LIN52: variants seen among roughly 807,000 people sequenced by gnomAD.
The protein encoded by LIN52 is lin-52 DREAM MuvB core complex component, also known as protein lin-52 homolog.
In LIN52, 4 loss-of-function variants were observed where a neutral mutation model predicts 18.5. The observed-to-expected ratio is 0.22, with a 90% CI of 0.11 to 0.49. The LOEUF (loss-of-function observed/expected upper bound fraction) is 0.49. LIN52 is among the 20% of genes least tolerant of loss of function. The probability of loss-of-function intolerance (pLI) is 0.97; values close to 1 mark genes in which losing one functional copy is unlikely to be tolerated. For missense variants in LIN52, 102 were observed against 139.5 expected (o/e 0.73, Z 1.35); for synonymous variants, 34 against 45.5 (o/e 0.75, Z 1.02).
intron 5 of LIN52, among the ~76,000 whole-genome samples, chr14:74,133,739 A>G (rs1029059146): frequency 6.6e-6 from 1 of 152,228 alleles, no homozygotes; most frequent in South Asian, 2.1e-4. Context: ...TCTCATTTTA[A>G]TGCTCAATCC....
At chr14:74,149,830 CAG>C (rs2061168799) in intron 5 of LIN52, among the ~76,000 whole-genome samples, 1 of 152,120 alleles carries the variant, frequency 6.6e-6, no homozygotes, top group Non-Finnish European at 1.5e-5. Context: ...ACATGGGATA[CAG>C]ACTCTTCTGT....
intron 5 of LIN52, among the ~76,000 whole-genome samples, chr14:74,180,262 A>ATTTTTT (rs5809652): frequency 1.7e-5 from 2 of 119,768 alleles, no homozygotes; most frequent in Non-Finnish European, 1.6e-5. Context: ...GGGAGGAGGA[A>ATTTTTT]TTTTTTTTTT....
intron 5 of LIN52, among the ~76,000 whole-genome samples, chr14:74,196,158 G>A (rs1387550769): frequency 6.6e-6 from 1 of 152,118 alleles, no homozygotes; most frequent in Non-Finnish European, 1.5e-5. Context: ...CTGTGTACTT[G>A]GATTAGGTTG....
At chr14:74,143,395 C>G (rs12883476) in intron 5 of LIN52, among the ~76,000 whole-genome samples, 16,999 of 152,100 alleles carry the variant, frequency 0.11, 1,250 homozygotes, top group Admixed American at 0.19. Flanking sequence ...CCAAAAAATA[C>G]CAATAAAATT....
At chr14:74,099,893 C>A (rs1238006196) in intron 4 of LIN52, among the ~76,000 whole-genome samples, 1 of 152,180 alleles carries the variant, frequency 6.6e-6, no homozygotes, top group East Asian at 1.9e-4. Context: ...CAGAAACACC[C>A]AACAGTGAAA....
At chr14:74,189,040 T>C (rs2061351996) in intron 5 of LIN52, among the ~76,000 whole-genome samples, 1 of 152,172 alleles carries the variant, frequency 6.6e-6, no homozygotes, top group African/African-American at 2.4e-5. Context: ...TTTGAAATTA[T>C]CTATACTGTG....
At chr14:74,170,780 A>G (rs573946940) in intron 5 of LIN52, among the ~76,000 whole-genome samples, 2 of 152,200 alleles carry the variant, frequency 1.3e-5, no homozygotes, top group South Asian at 4.2e-4. Context: ...AGCAAAATTA[A>G]TAGAACCTTG....
chr14:74,137,172 A>T (rs10873265), intron 5 of LIN52, among the ~76,000 whole-genome samples: 72,689 of 117,830 alleles, frequency 0.62, 18,570 homozygotes, highest in Non-Finnish European at 0.67. Context: ...ATATATATAT[A>T]TTTTTTTAAT....
At chr14:74,171,317 A>G (rs1442932843) in intron 5 of LIN52, among the ~76,000 whole-genome samples, 1 of 151,700 alleles carries the variant, frequency 6.6e-6, no homozygotes, top group African/African-American at 2.4e-5. Flanking sequence ...GTGAGCTACA[A>G]TTGTAACACT....
chr14:74,186,453 G>A lies in LIN52; in HGVS notation c.284-12469G>A, dbSNP rs138501382. Among the ~76,000 whole-genome samples, 154 of 152,036 alleles carry A rather than the reference G, an allele frequency of 1.0e-3. 1 individual carries two copies. Among genetic ancestry groups the A allele is most frequent in the African/African-American group, 3.7e-3 (152 of 41,456 alleles). On this transcript the variant is annotated intron_variant, in intron 5 of 5. Transcript: ENST00000555028. ...AGCAAGAGGTTCTGCAGAACTTCAT[G>A]GAGCATGAAAGTAAATAAACAAAGT... is the stretch of plus-strand genomic sequence containing the variant.
chr14:74,146,364 T>TATTTTTATCATGTGTA (rs2139550482), intron 5 of LIN52, among the ~76,000 whole-genome samples: 1 of 152,246 alleles, frequency 6.6e-6, no homozygotes, highest in East Asian at 1.9e-4. Flanking sequence ...CATAAAATGT[T>TATTTTTATCATGTGTA]ATTTTTATCA....
At chr14:74,136,044 T>C (rs1022884132) in intron 5 of LIN52, among the ~76,000 whole-genome samples, 1 of 152,208 alleles carries the variant, frequency 6.6e-6, no homozygotes, top group South Asian at 2.1e-4. Flanking sequence ...TGAAATTACA[T>C]TGTTACCTAA....
At chr14:74,119,272 C>A (rs996122765) in intron 5 of LIN52, among the ~76,000 whole-genome samples, 5 of 151,266 alleles carry the variant, frequency 3.3e-5, no homozygotes, top group Non-Finnish European at 5.9e-5. Flanking sequence ...TGCCATTCTC[C>A]TGCCTCAGCC....
intron 5 of LIN52, among the ~76,000 whole-genome samples, chr14:74,167,112 CTTTTTTTTT>C (rs9323596): frequency 8.4e-6 from 1 of 119,120 alleles, no homozygotes; most frequent in African/African-American, 3.1e-5. Context: ...GCCTCTGCTG[CTTTTTTTTT>C]TTTTTTTTTT....
At chr14:74,134,990 A>T (rs1283431803) in intron 5 of LIN52, among the ~76,000 whole-genome samples, 1 of 152,196 alleles carries the variant, frequency 6.6e-6, no homozygotes, top group Non-Finnish European at 1.5e-5. Context: ...TACATTTCAT[A>T]CTCAACAAAT....
rs768547007 is a variant in LIN52, at chr14:74,198,877, C to T, written c.284-45C>T. ...TAAATCTTCCTATGATTCTTTTTTC[C>T]GATTTTAGGTTTTCATTGATCATTT... On this transcript the variant is annotated intron_variant, in intron 5 of 5. Coordinates refer to ENST00000555028, the MANE Select transcript of LIN52 (RefSeq NM_001024674.3). 5.3e-5 allele frequency: 75 copies of T among 1,401,936 alleles called. 1 individual carries two copies. The highest frequency in any genetic ancestry group is 5.8e-5 in the African/African-American group (4 of 69,424). The allele number at this position is 1,401,936 out of a possible 1,614,324, so 86.8% of individuals were successfully genotyped here.
At chr14:74,138,854 A>AAT (rs2061113157) in intron 5 of LIN52, among the ~76,000 whole-genome samples, 1 of 152,136 alleles carries the variant, frequency 6.6e-6, no homozygotes, top group Non-Finnish European at 1.5e-5. Flanking sequence ...AAAGGTTGTG[A>AAT]ATATATAGTC....
At chr14:74,125,069 C>T (rs2061021011) in intron 5 of LIN52, among the ~76,000 whole-genome samples, 1 of 152,122 alleles carries the variant, frequency 6.6e-6, no homozygotes, top group African/African-American at 2.4e-5. Flanking sequence ...TAGAACTCAA[C>T]AACAAAAAAA....
intron 5 of LIN52, among the ~76,000 whole-genome samples, chr14:74,131,834 G>A (rs1053137710): frequency 3.3e-5 from 5 of 152,180 alleles, no homozygotes; most frequent in African/African-American, 1.2e-4. Context: ...CCTAAAAGAA[G>A]TGACTTTCCC....
Sources: allele counts gnomAD v4.1 joint callset (sites outside exome capture counted in the v4.1 genomes callset), GRCh38; gene constraint gnomAD v4.1.1; transcripts MANE v1.5; gene names NCBI Gene and HGNC (gene_info 2026-07-23, HGNC 2026-07-21).